FGGY: variants seen among roughly 807,000 people sequenced by gnomAD.
The protein encoded by FGGY is FGGY carbohydrate kinase domain-containing protein.
A neutral mutation model predicts 71.3 loss-of-function variants in FGGY; 72 were observed. The ratio of observed to expected loss-of-function variants is 1.01; its 90% CI spans 0.84 to 1.23. FGGY has a LOEUF of 1.23. FGGY is among the 50% of genes most tolerant of loss of function. The pLI is 0.00. For missense variants in FGGY, 668 were observed against 682.3 expected (o/e 0.98, Z 0.23); for synonymous variants, 251 against 250.3 (o/e 1.00, Z -0.02).
At chr1:59,748,653 A>T (rs2098220253) in intron 14 of FGGY, among the ~76,000 whole-genome samples, 1 of 152,212 alleles carries the variant, frequency 6.6e-6, no homozygotes, top group South Asian at 2.1e-4. Flanking sequence ...TCAAAAAGCG[A>T]TGGAACACTG....
chr1:59,616,750 T>A (rs1395697241), intron 9 of FGGY, among the ~76,000 whole-genome samples: 2 of 152,136 alleles, frequency 1.3e-5, no homozygotes, highest in Non-Finnish European at 2.9e-5. Context: ...TGAATGATAG[T>A]CATAATTACA....
chr1:59,459,805 G>A (rs1214436678), intron 6 of FGGY, among the ~76,000 whole-genome samples: 1 of 152,146 alleles, frequency 6.6e-6, no homozygotes, highest in Admixed American at 6.5e-5. Context: ...TTTAATTCCT[G>A]GGAAAATCTC....
At chr1:59,659,179 G>A (rs945127611) in intron 11 of FGGY, among the ~76,000 whole-genome samples, 1 of 152,156 alleles carries the variant, frequency 6.6e-6, no homozygotes, top group African/African-American at 2.4e-5. Flanking sequence ...TCCAGCCTGG[G>A]AGACAAAGCA....
intron 3 of FGGY, among the ~76,000 whole-genome samples, chr1:59,341,796 G>C (rs995540942): frequency 3.3e-5 from 5 of 152,208 alleles, no homozygotes; most frequent in Non-Finnish European, 7.3e-5. Flanking sequence ...GCCGTTTTGG[G>C]AGGCTGTCAG....
At position 59,667,408 on chromosome 1, in the gene FGGY, GTC is replaced by G; in HGVS notation, c.1417+7_1417+8del. The G allele has an allele frequency of 1.2e-6, 2 of 1,613,610 alleles. No homozygotes were observed. The highest frequency in any genetic ancestry group is 1.7e-6 in the Non-Finnish European group (2 of 1,179,736). ...AAATGCATGCGGACATTACTGGTAAGTCTGGGAAAGAGGAGAGAAGGTCACTT... is the reference window on the plus strand; with the variant it reads ...AAATGCATGCGGACATTACTGGTAAGTGGGAAAGAGGAGAGAAGGTCACTT... On this transcript the variant is annotated splice_donor_region_variant and intron_variant, in intron 13 of 15. Coordinates refer to ENST00000303721, the MANE Select transcript of FGGY (RefSeq NM_018291.5).
At chr1:59,503,978 A>C (rs576886489) in intron 6 of FGGY, among the ~76,000 whole-genome samples, 24 of 152,238 alleles carry the variant, frequency 1.6e-4, no homozygotes, top group African/African-American at 5.8e-4. Context: ...CCTAGTGGAA[A>C]GAATGCTACA....
At chr1:59,730,307 CT>C (rs35424239) in intron 14 of FGGY, among the ~76,000 whole-genome samples, 75,356 of 139,098 alleles carry the variant, frequency 0.54, 20,338 homozygotes, top group African/African-American at 0.7. Flanking sequence ...AGTTTCTTAG[CT>C]TTTTTTTTTT....
Position 59,646,749 on chromosome 1 carries a change from G to A in FGGY, c.1221+8374G>A, listed in dbSNP as rs889512481. Among the ~76,000 whole-genome samples the A allele has an allele frequency of 3.3e-5, 5 of 152,134 alleles. No homozygotes were observed. In the South Asian group the frequency reaches 6.2e-4, roughly 19 times the overall value. Reference sequence around the variant, plus strand: ...TCCCATTTAAAAGAAGAGAGAAACCGAGGCTCAAGGAGTTTAAGTAGCTTA... The same window carrying A: ...TCCCATTTAAAAGAAGAGAGAAACCAAGGCTCAAGGAGTTTAAGTAGCTTA... On this transcript the variant is annotated intron_variant, in intron 11 of 15. Coordinates refer to ENST00000303721, the MANE Select transcript of FGGY (RefSeq NM_018291.5).
intron 8 of FGGY, among the ~76,000 whole-genome samples, chr1:59,579,804 T>C (rs2096154823): frequency 6.6e-6 from 1 of 152,168 alleles, no homozygotes; most frequent in Admixed American, 6.5e-5. Flanking sequence ...GATTATGTCA[T>C]TCCTCTGCTC....
At chr1:59,487,071 C>T (rs2093678983) in intron 6 of FGGY, among the ~76,000 whole-genome samples, 1 of 152,100 alleles carries the variant, frequency 6.6e-6, no homozygotes, top group Admixed American at 6.5e-5. Context: ...TGAGGTTTTT[C>T]AGTGTATATA....
At chr1:59,331,486 A>G (rs1266374750) in intron 2 of FGGY, among the ~76,000 whole-genome samples, 1 of 151,992 alleles carries the variant, frequency 6.6e-6, no homozygotes, top group Admixed American at 6.5e-5. Flanking sequence ...CCTGCCTGGA[A>G]CACTCTTCCC....
intron 8 of FGGY, among the ~76,000 whole-genome samples, chr1:59,558,582 G>A (rs1163739537): frequency 2.0e-5 from 3 of 152,156 alleles, no homozygotes; most frequent in Admixed American, 1.3e-4. Context: ...ATACTTCTGA[G>A]GAAACAGTAC....
intron 8 of FGGY, among the ~76,000 whole-genome samples, chr1:59,563,238 A>G (rs1189636186): frequency 2.0e-5 from 3 of 152,228 alleles, no homozygotes; most frequent in Non-Finnish European, 4.4e-5. Context: ...CGGGTTTGTC[A>G]TAAATAGCTC....
intron 5 of FGGY, among the ~76,000 whole-genome samples, chr1:59,456,045 C>T (rs781513846): frequency 6.6e-6 from 1 of 152,086 alleles, no homozygotes; most frequent in Non-Finnish European, 1.5e-5. Flanking sequence ...ATTATCTCCA[C>T]CAGACACTTT....
rs953403296 is a variant in FGGY at position 59,727,307 on chromosome 1, G to A, written c.1513-30624G>A. 7.2e-5 allele frequency among the ~76,000 whole-genome samples: 11 copies of A among 152,116 alleles called. No homozygotes were observed. In the South Asian group the frequency reaches 1.0e-3, roughly 14 times the overall value. ...CAGTCCACCATTGATGAACACCTAGGTTGATTATATGTCTTCACTATTATG... is the reference window on the plus strand; with the variant it reads ...CAGTCCACCATTGATGAACACCTAGATTGATTATATGTCTTCACTATTATG... On this transcript the variant is annotated intron_variant, in intron 14 of 15. Coordinates refer to ENST00000303721, the MANE Select transcript of FGGY (RefSeq NM_018291.5).
intron 8 of FGGY, among the ~76,000 whole-genome samples, chr1:59,557,150 C>T (rs2095702080): frequency 6.6e-6 from 1 of 152,078 alleles, no homozygotes; most frequent in Non-Finnish European, 1.5e-5. Flanking sequence ...GGAAACACTC[C>T]CAGGGAGACT....
At position 59,431,993 on chromosome 1, in the gene FGGY, C is replaced by A. The variant is rs538217199; in HGVS notation, c.555-24968C>A. Among the ~76,000 whole-genome samples, 15 of 152,260 alleles carry A rather than the reference C, an allele frequency of 9.9e-5. No individual in the cohort carries two copies. In the South Asian group the frequency reaches 2.7e-3, roughly 27 times the overall value. ...GAATGGGACTTGGTCACTAGAAAGA[C>A]CATGTGATGGATAGCAGCTCAGAAT... On this transcript the variant is annotated intron_variant, in intron 5 of 15. Transcript: ENST00000303721.
At chr1:59,698,487 A>G (rs1271890495) in intron 14 of FGGY, among the ~76,000 whole-genome samples, 2 of 152,102 alleles carry the variant, frequency 1.3e-5, no homozygotes, top group Non-Finnish European at 2.9e-5. Flanking sequence ...TGCTCTGGGA[A>G]TCAGCATCTC....
chr1:59,587,995 C>T (rs2096343787), intron 8 of FGGY, among the ~76,000 whole-genome samples: 1 of 152,126 alleles, frequency 6.6e-6, no homozygotes, highest in Non-Finnish European at 1.5e-5. Flanking sequence ...CAAACTATTC[C>T]AAGCTACAGA....
Sources: allele counts gnomAD v4.1 joint callset (sites outside exome capture counted in the v4.1 genomes callset), GRCh38; gene constraint gnomAD v4.1.1; transcripts MANE v1.5; gene names NCBI Gene and HGNC (gene_info 2026-07-23, HGNC 2026-07-21).